Variants in HERC4 observed in about 807,000 individuals in gnomAD.
HERC4 encodes probable E3 ubiquitin-protein ligase HERC4.
HERC4 carries 28 observed loss-of-function variants against 124.3 expected under a neutral mutation model. The observed-to-expected ratio is 0.23, with a 90% CI of 0.17 to 0.31. The LOEUF (loss-of-function observed/expected upper bound fraction) is 0.31. Ranked by LOEUF, HERC4 falls within the 10% of genes least tolerant of loss-of-function variation. HERC4 has a pLI of 1.00. For missense variants in HERC4, 713 were observed against 1,229.3 expected (o/e 0.58, Z 6.28); for synonymous variants, 407 against 421.5 (o/e 0.97, Z 0.42).
intron 7 of HERC4, among the ~76,000 whole-genome samples, chr10:68,027,498 C>A (rs1214449339): frequency 1.3e-5 from 2 of 152,230 alleles, no homozygotes; most frequent in Non-Finnish European, 2.9e-5. Flanking sequence ...AACCACCATA[C>A]TATACCACGT....
intron 3 of HERC4, among the ~76,000 whole-genome samples, chr10:68,071,433 T>C (rs1346420609): frequency 6.6e-6 from 1 of 152,242 alleles, no homozygotes; most frequent in East Asian, 1.9e-4. Context: ...ACTTGCCCTA[T>C]GGCCTTTCAG....
chr10:67,949,018 C>T (rs920899357), intron 19 of HERC4, among the ~76,000 whole-genome samples: 5 of 151,866 alleles, frequency 3.3e-5, no homozygotes, highest in Admixed American at 1.3e-4. Context: ...CTTTGGGAGG[C>T]CGAGGAGGAT....
At chr10:67,946,381 ACACACACACACACAC>A (rs2033347683) in intron 19 of HERC4, among the ~76,000 whole-genome samples, 2 of 151,302 alleles carry the variant, frequency 1.3e-5, no homozygotes, top group Admixed American at 1.3e-4. Flanking sequence ...ACACACACAC[ACACACACACACACAC>A]AAGACCCAAT....
At chr10:67,968,048 C>T (rs2034996986) in intron 15 of HERC4, among the ~76,000 whole-genome samples, 1 of 152,192 alleles carries the variant, frequency 6.6e-6, no homozygotes, top group East Asian at 1.9e-4. Context: ...TAAAGAACAA[C>T]TACTGTACTT....
intron 14 of HERC4, among the ~76,000 whole-genome samples, chr10:67,989,341 A>G (rs1478499678): frequency 6.6e-6 from 1 of 152,084 alleles, no homozygotes; most frequent in Non-Finnish European, 1.5e-5. Context: ...AAAGTGTAAC[A>G]TATGGGTCCT....
At chr10:67,998,066 T>C (rs2036999675) in intron 9 of HERC4, among the ~76,000 whole-genome samples, 1 of 151,878 alleles carries the variant, frequency 6.6e-6, no homozygotes, top group Admixed American at 6.6e-5. Context: ...GCCTAGCTAA[T>C]TTTTGTATTT....
At chr10:68,044,626 A>G in intron 3 of HERC4, 63 bp from the exon 4 acceptor site, 1 of 1,470,182 alleles carries the variant, frequency 6.8e-7, no homozygotes, top group Non-Finnish European at 9.3e-7. Context: ...AAGATATTGC[A>G]TTCTAGTTTT....
chr10:67,968,468 G>T (rs1006593205), intron 15 of HERC4, among the ~76,000 whole-genome samples: 1 of 151,552 alleles, frequency 6.6e-6, no homozygotes. Flanking sequence ...CGCCTCTCAG[G>T]TTCATGCCAT....
chr10:68,010,772 G>T, intron 9 of HERC4: 1 of 1,497,144 alleles, frequency 6.7e-7, no homozygotes, highest in Non-Finnish European at 9.2e-7. Context: ...AACCCCCAGG[G>T]TAAGCCCCAC....
intron 8 of HERC4, among the ~76,000 whole-genome samples, chr10:68,024,738 A>G (rs1169080499): frequency 1.3e-5 from 2 of 152,194 alleles, no homozygotes; most frequent in Non-Finnish European, 2.9e-5. Context: ...AAGCAAGGTG[A>G]TCAAAATTAA....
chr10:68,010,676 C>T lies in HERC4; in HGVS notation c.1069+3350G>A, dbSNP rs1247899359. 7.5e-6 allele frequency: 11 copies of T among 1,474,628 alleles called. No individual in the cohort carries two copies. In the East Asian group the frequency reaches 2.6e-4, roughly 34 times the overall value. The allele number at this position is 1,474,628 out of a possible 1,614,324, so 91.3% of individuals were successfully genotyped here. On this transcript the variant is annotated intron_variant, in intron 9 of 24. Coordinates refer to ENST00000373700, the MANE Select transcript of HERC4 (RefSeq NM_015601.4). Reference sequence around the variant, plus strand: ...CCTCCACCCACTTCTGCAGCAAGGGCCGCGCCGCTTACACATGTTCTTGAA... The same window carrying T: ...CCTCCACCCACTTCTGCAGCAAGGGTCGCGCCGCTTACACATGTTCTTGAA...
At chr10:68,016,937 A>G (rs1455900066) in intron 8 of HERC4, among the ~76,000 whole-genome samples, 2 of 152,210 alleles carry the variant, frequency 1.3e-5, no homozygotes, top group East Asian at 1.9e-4. Flanking sequence ...CATTTGTGAT[A>G]CTTCACAAAG....
intron 3 of HERC4, among the ~76,000 whole-genome samples, chr10:68,055,134 C>G (rs143199207): frequency 6.6e-6 from 1 of 152,252 alleles, no homozygotes; most frequent in African/African-American, 2.4e-5. Context: ...GTTGCCCAGG[C>G]TGATGGTAAC....
chr10:67,983,578 G>C lies in HERC4; in HGVS notation c.1806+5085C>G, dbSNP rs575912483. 3.3e-5 allele frequency among the ~76,000 whole-genome samples: 5 copies of C among 152,036 alleles called. No homozygotes were observed. The South Asian group carries it at 1.0e-3, about 32-fold the overall frequency. On this transcript the variant is annotated intron_variant, in intron 15 of 24. Transcript: ENST00000373700. ...GCGGATCACAAGGTCAGGAGATAGA[G>C]ACCATCCTGGCTAACACGGTGAAAC...
intron 3 of HERC4, among the ~76,000 whole-genome samples, chr10:68,052,786 C>T (rs961575884): frequency 1.3e-5 from 2 of 152,164 alleles, no homozygotes; most frequent in African/African-American, 4.8e-5. Flanking sequence ...TCTCTGATAA[C>T]GTCTGAATTG....
chr10:67,946,210 T>A (rs1311255113), intron 19 of HERC4, among the ~76,000 whole-genome samples: 1 of 151,330 alleles, frequency 6.6e-6, no homozygotes, highest in East Asian at 1.9e-4. Flanking sequence ...ATCACACCAC[T>A]GCATTCTAGC....
At chr10:68,062,555 C>T (rs140959002) in intron 3 of HERC4, among the ~76,000 whole-genome samples, 4 of 151,516 alleles carry the variant, frequency 2.6e-5, no homozygotes, top group Admixed American at 1.3e-4. Context: ...AGTTCGAGAC[C>T]AGTATGGTCA....
At chr10:68,059,599 TCA>T (rs2040788639) in intron 3 of HERC4, among the ~76,000 whole-genome samples, 3 of 94,190 alleles carry the variant, frequency 3.2e-5, no homozygotes, top group African/African-American at 1.0e-4. Context: ...ATATTATATA[TCA>T]TAATATTATA....
chr10:68,072,530 A>C (rs1021414606), intron 3 of HERC4, among the ~76,000 whole-genome samples: 7 of 152,182 alleles, frequency 4.6e-5, no homozygotes, highest in Non-Finnish European at 7.4e-5. Flanking sequence ...GTAAACACAG[A>C]GTAAATTATG....
Sources: allele counts gnomAD v4.1 joint callset (sites outside exome capture counted in the v4.1 genomes callset), GRCh38; gene constraint gnomAD v4.1.1; transcripts MANE v1.5; gene names NCBI Gene and HGNC (gene_info 2026-07-23, HGNC 2026-07-21).